The following TPCN1 variants were observed in gnomAD, a reference collection of about 807,000 sequenced individuals.
The protein encoded by TPCN1 is two pore channel protein 1.
A neutral mutation model predicts 108.8 loss-of-function variants in TPCN1; 52 were observed. That is an observed-to-expected ratio of 0.48 (90% confidence interval 0.38 to 0.60). The LOEUF is 0.60. Ranked by LOEUF, TPCN1 falls within the 20% of genes least tolerant of loss-of-function variation. The probability of loss-of-function intolerance (pLI) is 0.00; values close to 1 mark genes in which losing one functional copy is unlikely to be tolerated. For missense variants in TPCN1, 806 were observed against 1,072.8 expected, an observed-to-expected ratio of 0.75 and a Z score of 3.47; for synonymous variants, 446 against 433.7, an observed-to-expected ratio of 1.03 and a Z score of -0.35.
intron 2 of TPCN1, among the ~76,000 whole-genome samples, chr12:113,243,369 CA>C (rs112606897): frequency 2.8e-3 from 395 of 138,954 alleles, no homozygotes; most frequent in Non-Finnish European, 2.5e-3. Context: ...GACCCTGTCT[CA>C]AAAAAAAAAA....
At chr12:113,252,764 C>T (rs1169288557) in intron 2 of TPCN1, among the ~76,000 whole-genome samples, 4 of 152,214 alleles carry the variant, frequency 2.6e-5, no homozygotes, top group African/African-American at 9.6e-5. Flanking sequence ...TTGGCTCAGG[C>T]TTCCCTGATC....
chr12:113,246,020 C>A, intron 2 of TPCN1: 1 of 456,108 alleles, frequency 2.2e-6, no homozygotes, highest in South Asian at 1.5e-5. Context: ...GCGTCTGGGC[C>A]CTGTGACATC....
chr12:113,267,590 C>G (rs1955316487), intron 4 of TPCN1, among the ~76,000 whole-genome samples: 1 of 152,092 alleles, frequency 6.6e-6, no homozygotes. Flanking sequence ...TTTTAAACTT[C>G]AGGCTCCTTC....
intron 23 of TPCN1, 141 bp downstream of exon 23, chr12:113,291,139 G>C: frequency 1.2e-6 from 1 of 847,354 alleles, no homozygotes; most frequent in Non-Finnish European, 1.9e-6. Context: ...GTGTTCAGTG[G>C]GGAGGCCACA....
intron 12 of TPCN1, 70 bp downstream of exon 12, chr12:113,277,434 T>C (rs1955714615): frequency 1.9e-6 from 3 of 1,595,296 alleles, no homozygotes; most frequent in Admixed American, 3.4e-5. Context: ...AACGGGGGCA[T>C]GTGAAGGCCC....
intron 3 of TPCN1, among the ~76,000 whole-genome samples, chr12:113,263,173 TTTAAA>T (rs1955107877): frequency 6.6e-6 from 1 of 152,234 alleles, no homozygotes; most frequent in Non-Finnish European, 1.5e-5. Flanking sequence ...ATTTATATTG[TTTAAA>T]TTATTTTACC....
intron 1 of TPCN1, among the ~76,000 whole-genome samples, chr12:113,222,788 C>T (rs1427536207): frequency 6.6e-6 from 1 of 151,986 alleles, no homozygotes; most frequent in African/African-American, 2.4e-5. Flanking sequence ...CCAGCGTGGC[C>T]CAGGGAAGCC....
At chr12:113,275,852 A>C (rs1165758995) in intron 10 of TPCN1, among the ~76,000 whole-genome samples, 1 of 152,212 alleles carries the variant, frequency 6.6e-6, no homozygotes, top group Non-Finnish European at 1.5e-5. Context: ...CTGGGATTAC[A>C]GGCCACCGTG....
At chr12:113,278,380 C>A in intron 13 of TPCN1, 143 bp downstream of exon 13, 1 of 735,482 alleles carries the variant, frequency 1.4e-6, no homozygotes, top group Non-Finnish European at 2.4e-6. Flanking sequence ...CTTCAGGGAT[C>A]ACAGGTGGCC....
chr12:113,296,169 C>G lies in TPCN1; in HGVS notation c.*93C>G. On this transcript the variant is annotated 3_prime_UTR_variant, in exon 28 of 28. Coordinates refer to ENST00000335509, the MANE Select transcript of TPCN1 (RefSeq NM_017901.6). ...ACTGCGGTGTGTGTACACATACTCA[C>G]GTATATGCACATATTTATATACAGG... The G allele has an allele frequency of 6.7e-7, 1 of 1,499,660 alleles. No homozygotes were observed. The highest frequency in any genetic ancestry group is 1.3e-5 in the South Asian group (1 of 79,368). The allele number at this position is 1,499,660 out of a possible 1,614,324, so 92.9% of individuals were successfully genotyped here. A position where few individuals can be genotyped will look rare whatever the true frequency, so the allele number is the denominator to read the frequency against.
chr12:113,228,104 G>C (rs763860770), intron 2 of TPCN1, among the ~76,000 whole-genome samples: 4 of 152,230 alleles, frequency 2.6e-5, no homozygotes, highest in Admixed American at 2.6e-4. Context: ...CCCTTTGCAA[G>C]GCTAGGCAGT....
Position 113,290,244 on chromosome 12 carries a change from G to T in TPCN1, c.1912+1G>T. 1 of 1,581,938 alleles carries T rather than the reference G, an allele frequency of 6.3e-7. No individual in the cohort carries two copies. The highest frequency in any genetic ancestry group is 8.6e-7 in the Non-Finnish European group (1 of 1,159,218). ...TTTGACAACATCCTCAACAGCTTTGGTGAGTGGGAAAAATCACAGGGGGCA... is the reference window on the plus strand; with the variant it reads ...TTTGACAACATCCTCAACAGCTTTGTTGAGTGGGAAAAATCACAGGGGGCA... On this transcript the variant is annotated splice_donor_variant, in intron 22 of 27. Coordinates refer to ENST00000335509, the MANE Select transcript of TPCN1 (RefSeq NM_017901.6). LOFTEE classifies it high-confidence loss of function.
At chr12:113,242,236 G>A (rs966178695) in intron 2 of TPCN1, among the ~76,000 whole-genome samples, 8 of 152,250 alleles carry the variant, frequency 5.3e-5, no homozygotes, top group South Asian at 2.1e-4. Context: ...AGATGGGTTA[G>A]GGAGTTAGCC....
In TPCN1 at chr12:113,266,221, T is replaced by C. The variant is rs765426208; in HGVS notation, c.279T>C (p.Asp93=). 4 of 1,614,110 alleles carry C rather than the reference T, an allele frequency of 2.5e-6. No individual in the cohort carries two copies. The Admixed American group carries it at 6.7e-5, about 27-fold the overall frequency. Residue 93 remains aspartate, a synonymous_variant, in exon 4 of 28, where the codon GAT becomes GAC. Transcript: ENST00000335509. This position sits in a 1 kb window ranked among gnomAD's most constrained non-coding sequence, Gnocchi z 4.2. ...NNDKFFTHPK[D]AKALAAYLFA... ...ACAAGTTCTTCACCCACCCCAAGGA[T>C]GCCAAGGCGCTGGCGGCCTACCTCT...
chr12:113,278,278 G>A (rs764986688), intron 13 of TPCN1, 41 bp downstream of exon 13: 2 of 1,587,756 alleles, frequency 1.3e-6, no homozygotes, highest in Non-Finnish European at 1.7e-6. Flanking sequence ...TAGACAGAGA[G>A]GTCCCCACGT....
At chr12:113,270,770 C>A (rs865808059) in intron 7 of TPCN1, among the ~76,000 whole-genome samples, 26 of 152,090 alleles carry the variant, frequency 1.7e-4, no homozygotes, top group African/African-American at 6.3e-4. Flanking sequence ...TGGGCCACCG[C>A]GCCCGGCCTC....
chr12:113,275,249 C>CT, intron 10 of TPCN1, among the ~76,000 whole-genome samples: 1 of 152,262 alleles, frequency 6.6e-6, no homozygotes, highest in South Asian at 2.1e-4. Context: ...GTCCTTTTCT[C>CT]TTTTTTGAGA....
intron 2 of TPCN1, among the ~76,000 whole-genome samples, chr12:113,237,610 C>T (rs1423321238): frequency 3.9e-5 from 6 of 152,166 alleles, no homozygotes; most frequent in East Asian, 1.9e-4. Context: ...CTGCCCACCT[C>T]GGCCTCCCAA....
intron 2 of TPCN1, among the ~76,000 whole-genome samples, chr12:113,239,577 CT>C (rs1417420209): frequency 6.6e-6 from 1 of 152,226 alleles, no homozygotes; most frequent in Non-Finnish European, 1.5e-5. Flanking sequence ...TCCCAGGTGA[CT>C]GTCACAGCTA....
Sources: gnomAD v4.1 joint callset for allele counts (sites outside exome capture counted in the v4.1 genomes callset) on GRCh38, gnomAD v4.1.1 for gene constraint, Gnocchi (gnomAD v3.1) non-coding constraint, MANE v1.5 for transcripts, NCBI Gene and HGNC (gene_info 2026-07-23, HGNC 2026-07-21) for gene names.